The following IQGAP1 variants were observed in gnomAD, a reference collection of about 807,000 sequenced individuals.
IQGAP1 encodes ras GTPase-activating-like protein IQGAP1.
A neutral mutation model predicts 215.6 loss-of-function variants in IQGAP1; 66 were observed. The ratio of observed to expected loss-of-function variants is 0.31; its 90% CI spans 0.25 to 0.38. The LOEUF is 0.38. Among genes scored for constraint, IQGAP1 ranks in the 10% least tolerant of loss-of-function variants. The probability of loss-of-function intolerance (pLI) is 1.00; values close to 1 mark genes in which losing one functional copy is unlikely to be tolerated. For missense variants in IQGAP1, 1,712 were observed against 1,997.1 expected (o/e 0.86, Z 2.72); for synonymous variants, 772 against 728.7 (o/e 1.06, Z -0.96).
At chr15:90,460,318 C>G (rs1310331807) in intron 15 of IQGAP1, among the ~76,000 whole-genome samples, 1 of 152,112 alleles carries the variant, frequency 6.6e-6, no homozygotes, top group African/African-American at 2.4e-5. Flanking sequence ...CTGTGGCCTC[C>G]TAGATCCCAT....
At chr15:90,429,524 A>C in intron 3 of IQGAP1, 65 bp from the exon 4 acceptor site, 1 of 1,236,184 alleles carries the variant, frequency 8.1e-7, no homozygotes, top group Non-Finnish European at 1.1e-6. Context: ...TTTTGCGAAG[A>C]GAGTTTTTAT....
intron 2 of IQGAP1, among the ~76,000 whole-genome samples, chr15:90,410,725 G>A (rs1465137931): frequency 6.6e-6 from 1 of 151,686 alleles, no homozygotes; most frequent in Non-Finnish European, 1.5e-5. Context: ...GACAGCATTA[G>A]GAGATATACC....
At position 90,501,042 on chromosome 15, in the gene IQGAP1, T is replaced by TC. The variant is rs1966334076; in HGVS notation, c.*934_*935insC. On this transcript the variant is annotated 3_prime_UTR_variant, in exon 38 of 38. Transcript: ENST00000268182. ...TGTGGGTGATAGGAATTTTAAAGATTTATATAATGCATCAAAAGCCTTAGA... is the reference window on the plus strand; with the variant it reads ...TGTGGGTGATAGGAATTTTAAAGATTCTATATAATGCATCAAAAGCCTTAGA... The TC allele has an allele frequency of 6.6e-6, 1 of 152,656 alleles. No individual in the cohort carries two copies. Among genetic ancestry groups the TC allele is most frequent in the African/African-American group, 2.4e-5 (1 of 41,462 alleles). The allele number at this position is 152,656 out of a possible 1,614,324, so 9.5% of individuals were successfully genotyped here.
intron 36 of IQGAP1, among the ~76,000 whole-genome samples, chr15:90,495,651 C>CTTTTTTTTTTTTTTTTTTTTTT: frequency 7.1e-6 from 1 of 140,068 alleles, no homozygotes; most frequent in Non-Finnish European, 1.5e-5. Context: ...TTTTCTTCTT[C>CTTTTTTTTTTTTTTTTTTTTTT]TTTTTTTTTT....
chr15:90,466,234 T>C (rs770061753), intron 16 of IQGAP1, 35 bp from the exon 17 acceptor site: 1 of 1,609,262 alleles, frequency 6.2e-7, no homozygotes. Context: ...AGACACTCTC[T>C]AAACTATTCT....
intron 35 of IQGAP1, among the ~76,000 whole-genome samples, chr15:90,493,029 T>C (rs1966227491): frequency 1.3e-5 from 2 of 152,032 alleles, no homozygotes; most frequent in African/African-American, 4.8e-5. Flanking sequence ...TGTCACTTGA[T>C]GTCAGGAGTT....
chr15:90,461,625 G>C (rs1347331724), intron 15 of IQGAP1, among the ~76,000 whole-genome samples: 1 of 152,114 alleles, frequency 6.6e-6, no homozygotes, highest in East Asian at 1.9e-4. Context: ...GATCACTTGA[G>C]GTCAGGAGTT....
At chr15:90,421,220 A>T (rs1384488784) in intron 2 of IQGAP1, among the ~76,000 whole-genome samples, 1 of 152,100 alleles carries the variant, frequency 6.6e-6, no homozygotes, top group Admixed American at 6.5e-5. Context: ...TCATGCCTAT[A>T]ATCCCAGCAC....
chr15:90,448,854 G>A, intron 10 of IQGAP1, 118 bp downstream of exon 10: 1 of 918,464 alleles, frequency 1.1e-6, no homozygotes, highest in Non-Finnish European at 1.5e-6. Flanking sequence ...TTTTTCCTCT[G>A]CATATAAATT....
intron 15 of IQGAP1, among the ~76,000 whole-genome samples, chr15:90,456,815 G>C (rs1596275751): frequency 6.6e-6 from 1 of 150,986 alleles, no homozygotes; most frequent in African/African-American, 2.4e-5. Flanking sequence ...TTGAGCCTGA[G>C]AGGTGGAGGT....
chr15:90,451,182 T>C (rs1381422430), intron 11 of IQGAP1, among the ~76,000 whole-genome samples: 1 of 152,230 alleles, frequency 6.6e-6, no homozygotes, highest in Non-Finnish European at 1.5e-5. Flanking sequence ...CTTCTGCATA[T>C]GGTTATCCAG....
chr15:90,450,841 A>T (rs1190376641), intron 11 of IQGAP1, among the ~76,000 whole-genome samples: 5 of 115,526 alleles, frequency 4.3e-5, no homozygotes, highest in Admixed American at 9.0e-5. Flanking sequence ...CTGTTGTTTG[A>T]ATTTCTTATA....
At chr15:90,415,457 T>G (rs1159862878) in intron 2 of IQGAP1, among the ~76,000 whole-genome samples, 1 of 152,200 alleles carries the variant, frequency 6.6e-6, no homozygotes, top group African/African-American at 2.4e-5. Flanking sequence ...TCCTTTCTGA[T>G]TTCTGCTTCT....
At chr15:90,432,629 T>C (rs1965318337) in intron 4 of IQGAP1, among the ~76,000 whole-genome samples, 1 of 152,238 alleles carries the variant, frequency 6.6e-6, no homozygotes, top group African/African-American at 2.4e-5. Flanking sequence ...ATAGGGTATA[T>C]TGCCTTACTG....
intron 4 of IQGAP1, among the ~76,000 whole-genome samples, chr15:90,430,767 GA>G (rs1448063759): frequency 6.6e-6 from 1 of 151,736 alleles, no homozygotes; most frequent in Non-Finnish European, 1.5e-5. Context: ...GTAACCAAAG[GA>G]AAATTTATTT....
At chr15:90,493,786 C>G (rs1966237902) in intron 35 of IQGAP1, among the ~76,000 whole-genome samples, 1 of 152,182 alleles carries the variant, frequency 6.6e-6, no homozygotes, top group African/African-American at 2.4e-5. Flanking sequence ...CTCCTGTGAG[C>G]TTTTGATGTG....
intron 2 of IQGAP1, among the ~76,000 whole-genome samples, chr15:90,411,297 G>T (rs1215313895): frequency 6.7e-6 from 1 of 149,902 alleles, no homozygotes; most frequent in Non-Finnish European, 1.5e-5. Flanking sequence ...TTTTTTTTTG[G>T]AGACAGGGTC....
At chr15:90,420,159 T>G (rs1965113002) in intron 2 of IQGAP1, among the ~76,000 whole-genome samples, 1 of 152,176 alleles carries the variant, frequency 6.6e-6, no homozygotes, top group African/African-American at 2.4e-5. Flanking sequence ...GGCACAAATA[T>G]TTTTTTCAAT....
chr15:90,439,151 A>C (rs926479015), intron 5 of IQGAP1, among the ~76,000 whole-genome samples, 181 bp from the exon 6 acceptor site: 2 of 121,700 alleles, frequency 1.6e-5, no homozygotes, highest in Admixed American at 7.4e-5. Flanking sequence ...TTGTCATGTA[A>C]ACTAAAAAAA....
Sources: gnomAD v4.1 joint callset for allele counts (sites outside exome capture counted in the v4.1 genomes callset) on GRCh38, gnomAD v4.1.1 for gene constraint, MANE v1.5 for transcripts, NCBI Gene and HGNC (gene_info 2026-07-23, HGNC 2026-07-21) for gene names.